SHTN1: variants seen among roughly 807,000 people sequenced by gnomAD.
SHTN1 encodes the protein shootin-1.
Under a neutral mutation model 83.1 loss-of-function variants are expected in SHTN1, and 42 were observed. The observed-to-expected ratio is 0.51, with a 90% CI of 0.39 to 0.65. The LOEUF is 0.65. SHTN1 is among the 30% of genes least tolerant of loss of function. The pLI is 0.00. For synonymous variants in SHTN1, 224 were observed against 247.7 expected (o/e 0.90, Z 0.90); for missense variants, 622 against 737.8 (o/e 0.84, Z 1.82).
At chr10:117,065,802 AAGGAAGGAAGGAAGGAAGG>A (rs1852984133) in intron 1 of SHTN1, among the ~76,000 whole-genome samples, 1 of 42,124 alleles carries the variant, frequency 2.4e-5, no homozygotes, top group Non-Finnish European at 4.6e-5. Flanking sequence ...GGAAGGAAGG[AAGGAAGGAAGGAAGGAAGG>A]AAGGAAGGAA....
At chr10:117,018,493 A>G (rs1445926083) in intron 2 of SHTN1, among the ~76,000 whole-genome samples, 1 of 146,952 alleles carries the variant, frequency 6.8e-6, no homozygotes, top group Non-Finnish European at 1.5e-5. Context: ...TAAAGGGTGT[A>G]TGTGTATTTT....
intron 15 of SHTN1, among the ~76,000 whole-genome samples, chr10:116,904,875 G>A (rs1188346060): frequency 3.3e-5 from 5 of 152,186 alleles, no homozygotes. Flanking sequence ...GAACGACAGA[G>A]CACTAAAATG....
At position 116,889,576 on chromosome 10, in the gene SHTN1, T is replaced by C. The variant is rs116849837; in HGVS notation, c.1674-3010A>G. On this transcript the variant is annotated intron_variant, in intron 16 of 16. Transcript: ENST00000355371. ...TGACCTGTCCTTTTACAGATGAGGATGATGGGGCATGAAGAGGGGAAGGAA... is the reference window on the plus strand; with the variant it reads ...TGACCTGTCCTTTTACAGATGAGGACGATGGGGCATGAAGAGGGGAAGGAA... 9.9e-5 allele frequency among the ~76,000 whole-genome samples: 15 copies of C among 152,204 alleles called. No homozygotes were observed. The East Asian group carries it at 1.6e-3, about 16-fold the overall frequency.
intron 3 of SHTN1, among the ~76,000 whole-genome samples, chr10:116,964,670 T>A (rs1257933433): frequency 6.6e-6 from 1 of 152,082 alleles, no homozygotes; most frequent in Non-Finnish European, 1.5e-5. Context: ...GATTAATGGA[T>A]CTAATATTGT....
chr10:116,902,177 C>T (rs1324677495), intron 15 of SHTN1, among the ~76,000 whole-genome samples: 1 of 152,170 alleles, frequency 6.6e-6, no homozygotes, highest in Non-Finnish European at 1.5e-5. Context: ...TGTGTACAGA[C>T]CTTTAAGAAA....
chr10:116,979,861 T>C (rs552446169), intron 1 of SHTN1, among the ~76,000 whole-genome samples: 1 of 152,314 alleles, frequency 6.6e-6, no homozygotes, highest in Non-Finnish European at 1.5e-5. Flanking sequence ...CACACTCGAC[T>C]CAATGTCACA....
intron 9 of SHTN1, among the ~76,000 whole-genome samples, chr10:116,933,918 GTGA>G (rs1297470438): frequency 6.6e-6 from 1 of 152,150 alleles, no homozygotes; most frequent in Non-Finnish European, 1.5e-5. Context: ...CTAATGACCA[GTGA>G]TGATGAGCTT....
intron 2 of SHTN1, among the ~76,000 whole-genome samples, chr10:117,031,529 A>G (rs971784103): frequency 3.9e-5 from 6 of 152,218 alleles, no homozygotes; most frequent in African/African-American, 1.2e-4. Context: ...AACAAATCAA[A>G]AATAATAACT....
At chr10:116,991,984 A>T (rs7084218) in intron 1 of SHTN1, among the ~76,000 whole-genome samples, 4 of 152,000 alleles carry the variant, frequency 2.6e-5, no homozygotes, top group Non-Finnish European at 4.4e-5. Context: ...TCTACAAAAA[A>T]TACCCATACT....
chr10:116,918,361 T>A (rs1310840224), intron 12 of SHTN1, among the ~76,000 whole-genome samples: 1 of 151,812 alleles, frequency 6.6e-6, no homozygotes, highest in Non-Finnish European at 1.5e-5. Context: ...AAGACCATCA[T>A]CTTATTACTA....
At chr10:117,038,741 C>CTG (rs1205876286) in intron 2 of SHTN1, among the ~76,000 whole-genome samples, 1 of 152,134 alleles carries the variant, frequency 6.6e-6, no homozygotes, top group South Asian at 2.1e-4. Context: ...AAAAGAAGAT[C>CTG]TACATCAAAT....
chr10:116,896,753 T>C (rs1847534699), intron 16 of SHTN1, among the ~76,000 whole-genome samples: 1 of 150,640 alleles, frequency 6.6e-6, no homozygotes, highest in Non-Finnish European at 1.5e-5. Flanking sequence ...CACCCCGAAA[T>C]AAACAGGTGG....
intron 16 of SHTN1, among the ~76,000 whole-genome samples, chr10:116,898,864 C>T (rs946764810): frequency 3.3e-5 from 5 of 151,924 alleles, no homozygotes; most frequent in African/African-American, 1.2e-4. Flanking sequence ...TCTTATAAGT[C>T]CCTAGGAAAT....
intron 13 of SHTN1, among the ~76,000 whole-genome samples, chr10:116,913,986 C>A (rs964124694): frequency 1.3e-5 from 2 of 152,238 alleles, no homozygotes; most frequent in African/African-American, 2.4e-5. Flanking sequence ...TAGAAAACTG[C>A]TTTCAGATAA....
chr10:116,976,353 G>A (rs538397529), intron 2 of SHTN1, among the ~76,000 whole-genome samples: 90 of 152,284 alleles, frequency 5.9e-4, no homozygotes, highest in Admixed American at 3.6e-3. Flanking sequence ...CACATCCACC[G>A]CCGCCTCCCA....
At chr10:116,995,099 C>CT (rs1199519932) in intron 1 of SHTN1, among the ~76,000 whole-genome samples, 1 of 152,086 alleles carries the variant, frequency 6.6e-6, no homozygotes, top group Non-Finnish European at 1.5e-5. Flanking sequence ...TCATAATGAA[C>CT]TCCCATCAGA....
At chr10:117,056,828 A>C (rs976308546) in intron 1 of SHTN1, among the ~76,000 whole-genome samples, 2 of 152,158 alleles carry the variant, frequency 1.3e-5, no homozygotes, top group Non-Finnish European at 2.9e-5. Flanking sequence ...ACAAACAAAC[A>C]AAACAAAATA....
Position 116,954,095 on chromosome 10 carries a change from G to A in SHTN1, c.383C>T (p.Thr128Ile). Reference protein sequence around the residue: ...NIDDEDSTTDTDGAAETCVSV... With the variant: ...NIDDEDSTTDIDGAAETCVSV... ...GACACAAGTCTCGGCGGCACCGTCT[G>A]TGTCTGTAGTCGAATCTTCATCATC... Residue 128 changes from threonine (T) to isoleucine (I), a missense_variant, in exon 5 of 17, where the codon ACA (threonine) becomes ATA (isoleucine). Around this residue, in one of 3 missense-constraint regions of SHTN1, gnomAD observed 383 missense variants for 455.8 expected, o/e 0.84. Coordinates refer to ENST00000355371, the MANE Select transcript of SHTN1 (RefSeq NM_001127211.3). 1 of 1,614,032 alleles carries A rather than the reference G, an allele frequency of 6.2e-7. No homozygotes were observed. Among genetic ancestry groups the A allele is most frequent in the Non-Finnish European group, 8.5e-7 (1 of 1,180,004 alleles).
intron 1 of SHTN1, among the ~76,000 whole-genome samples, chr10:117,103,006 A>G (rs1853616981): frequency 6.6e-6 from 1 of 152,180 alleles, no homozygotes; most frequent in African/African-American, 2.4e-5. Flanking sequence ...CCTCAATGCC[A>G]TTTTGGCAGA....
Sources: gnomAD v4.1 joint callset for allele counts (sites outside exome capture counted in the v4.1 genomes callset) on GRCh38, gnomAD v4.1.1 for gene constraint, gnomAD v4.1.1 regional missense constraint, MANE v1.5 for transcripts, NCBI Gene and HGNC (gene_info 2026-07-23, HGNC 2026-07-21) for gene names.